FGD4: variants seen among roughly 807,000 people sequenced by gnomAD.
The protein encoded by FGD4 is FYVE, RhoGEF and PH domain-containing protein 4.
FGD4 carries 42 observed loss-of-function variants against 102.0 expected under a neutral mutation model. That is an observed-to-expected ratio of 0.41 (90% confidence interval 0.32 to 0.53). The LOEUF (loss-of-function observed/expected upper bound fraction) is 0.53, where lower values mean the gene tolerates loss of function less well. FGD4 is among the 20% of genes least tolerant of loss of function. The probability of loss-of-function intolerance (pLI) is 0.21; values close to 1 mark genes in which losing one functional copy is unlikely to be tolerated. For synonymous variants in FGD4, 380 were observed against 375.7 expected, an observed-to-expected ratio of 1.01 and a Z score of -0.13; for missense variants, 902 against 1,078.2, an observed-to-expected ratio of 0.84 and a Z score of 2.29.
chr12:32,592,879 TTAAAG>T (rs1164335298), intron 4 of FGD4, among the ~76,000 whole-genome samples: 45 of 152,364 alleles, frequency 3.0e-4, no homozygotes, highest in Middle Eastern at 3.4e-3. Flanking sequence ...AATATATAAA[TTAAAG>T]TATGTAGTAG....
At chr12:32,534,297 T>G in intron 1 of FGD4, 3 of 1,327,986 alleles carry the variant, frequency 2.3e-6, no homozygotes, top group Non-Finnish European at 2.9e-6. Context: ...CCTTGGGCAG[T>G]AAGTTCGAAG....
intron 1 of FGD4, among the ~76,000 whole-genome samples, chr12:32,480,851 T>A (rs754268564): frequency 2.0e-5 from 3 of 150,616 alleles, no homozygotes; most frequent in Admixed American, 6.6e-5. Context: ...TTGCCCAGGC[T>A]GGAGTGTTGT....
At chr12:32,478,304 T>C (rs4630379) in intron 1 of FGD4, among the ~76,000 whole-genome samples, 146,136 of 152,262 alleles carry the variant, frequency 0.96, 70,463 homozygotes, top group East Asian at 1. Context: ...ACTCTGTTGC[T>C]CAGGCTGAAG....
chr12:32,465,558 C>T lies in FGD4; in HGVS notation c.166+65599C>T, dbSNP rs1418379439. Among the ~76,000 whole-genome samples the T allele has an allele frequency of 2.0e-5, 3 of 152,158 alleles. 1 individual carries two copies. In the South Asian group the frequency reaches 6.2e-4, roughly 32 times the overall value. ...TGGCGCACACCTGTAGTCCCAGCTA[C>T]TCGGGAGGCTGAGGCAGGAGAATCG... On this transcript the variant is annotated intron_variant, in intron 1 of 16. Transcript: ENST00000534526.
rs78651166 is a variant in FGD4 at position 32,540,910 on chromosome 12, A to G, written c.167-23227A>G. On this transcript the variant is annotated intron_variant, in intron 1 of 16. Transcript: ENST00000534526. ...AGAGGTTTTGAGGTTCCCCCTCCCC[A>G]TCGAGCCTTGCAGTTCCATTAAAGG... Among the ~76,000 whole-genome samples the G allele has an allele frequency of 3.2e-4, 48 of 152,314 alleles. No individual in the cohort carries two copies. The East Asian group carries it at 9.1e-3, about 29-fold the overall frequency.
intron 1 of FGD4, among the ~76,000 whole-genome samples, chr12:32,512,910 C>T (rs1485122734): frequency 2.0e-5 from 3 of 152,126 alleles, no homozygotes; most frequent in African/African-American, 7.2e-5. Flanking sequence ...CATAAAATTT[C>T]TAGTGGAGAA....
At chr12:32,547,554 G>A (rs1943324018) in intron 1 of FGD4, among the ~76,000 whole-genome samples, 1 of 152,226 alleles carries the variant, frequency 6.6e-6, no homozygotes, top group African/African-American at 2.4e-5. Flanking sequence ...TGGAGTAAAT[G>A]AAATAATGCA....
intron 1 of FGD4, among the ~76,000 whole-genome samples, chr12:32,505,051 TGTG>T (rs2136639883): frequency 6.6e-6 from 1 of 152,320 alleles, no homozygotes; most frequent in East Asian, 1.9e-4. Context: ...TTTTGGCCAT[TGTG>T]GTCCATTTGG....
At chr12:32,427,609 C>T (rs1941890387) in intron 1 of FGD4, among the ~76,000 whole-genome samples, 1 of 152,012 alleles carries the variant, frequency 6.6e-6, no homozygotes, top group Non-Finnish European at 1.5e-5. Flanking sequence ...AGTTCAAGTC[C>T]TGAATATCCT....
Position 32,546,798 on chromosome 12 carries a change from C to T in FGD4, c.167-17339C>T, listed in dbSNP as rs1003306222. Among the ~76,000 whole-genome samples, 4 of 151,982 alleles carry T rather than the reference C, an allele frequency of 2.6e-5. No individual in the cohort carries two copies. The East Asian group carries it at 5.8e-4, about 22-fold the overall frequency. On this transcript the variant is annotated intron_variant, in intron 1 of 16. Transcript: ENST00000534526. Reference sequence around the variant, plus strand: ...GCAAATGTAGGTCAGAAATGGGGAGCAGAACAAGAGGAAAAGAAGAAGGTC... The same window carrying T: ...GCAAATGTAGGTCAGAAATGGGGAGTAGAACAAGAGGAAAAGAAGAAGGTC...
chr12:32,525,648 C>T lies in FGD4; in HGVS notation c.167-38489C>T, dbSNP rs140905371. ...GGCTGGCCAAGGCCGGAGCCCACTC[C>T]CTCAGCTTGCAGGGAGGTGTGGAGG... On this transcript the variant is annotated intron_variant, in intron 1 of 16. Coordinates refer to ENST00000534526, the MANE Select transcript of FGD4 (RefSeq NM_001370298.3). Among the ~76,000 whole-genome samples the T allele has an allele frequency of 1.0e-3, 158 of 152,370 alleles. 2 individuals carry two copies. The East Asian group carries it at 0.02, about 20-fold the overall frequency.
intron 8 of FGD4, among the ~76,000 whole-genome samples, chr12:32,610,301 G>A (rs1949060099): frequency 6.6e-6 from 1 of 152,170 alleles, no homozygotes; most frequent in Non-Finnish European, 1.5e-5. Flanking sequence ...TTGTAATAAA[G>A]TACCTGGTAT....
At chr12:32,583,560 A>T (rs542402999) in intron 4 of FGD4, among the ~76,000 whole-genome samples, 17 of 152,324 alleles carry the variant, frequency 1.1e-4, no homozygotes, top group Middle Eastern at 6.8e-3. Flanking sequence ...GCCATGGGTA[A>T]TAAGCTGGTG....
intron 1 of FGD4, among the ~76,000 whole-genome samples, chr12:32,558,433 A>G (rs1024343630): frequency 6.6e-6 from 1 of 152,224 alleles, no homozygotes; most frequent in Non-Finnish European, 1.5e-5. Context: ...ATGAGACAGT[A>G]TAAGCAAGAC....
intron 1 of FGD4, among the ~76,000 whole-genome samples, chr12:32,497,930 T>C (rs1338740360): frequency 6.6e-6 from 1 of 152,202 alleles, no homozygotes; most frequent in East Asian, 1.9e-4. Context: ...CTCGACTCAG[T>C]GAGACTCTCC....
At chr12:32,528,412 G>A (rs749839706) in intron 1 of FGD4, among the ~76,000 whole-genome samples, 4 of 151,320 alleles carry the variant, frequency 2.6e-5, no homozygotes, top group Non-Finnish European at 4.4e-5. Context: ...TTTTTGAGAC[G>A]GAGCCTCGCT....
intron 1 of FGD4, among the ~76,000 whole-genome samples, chr12:32,521,171 G>A (rs955113157): frequency 6.6e-6 from 1 of 151,852 alleles, no homozygotes; most frequent in Admixed American, 6.6e-5. Context: ...GGTGGATCAC[G>A]AGGTCAGGAG....
chr12:32,458,795 T>C (rs2136489963), intron 1 of FGD4, among the ~76,000 whole-genome samples: 1 of 152,338 alleles, frequency 6.6e-6, no homozygotes, highest in Non-Finnish European at 1.5e-5. Flanking sequence ...GTTCTAGATT[T>C]AACAGCAATA....
chr12:32,488,720 C>G (rs1263696662), intron 1 of FGD4, among the ~76,000 whole-genome samples: 4 of 150,912 alleles, frequency 2.7e-5, no homozygotes, highest in African/African-American at 9.7e-5. Flanking sequence ...GTGGGCGGAT[C>G]ATGAGGTCAG....
Sources: allele counts gnomAD v4.1 joint callset (sites outside exome capture counted in the v4.1 genomes callset), GRCh38; gene constraint gnomAD v4.1.1; transcripts MANE v1.5; gene names NCBI Gene and HGNC (gene_info 2026-07-23, HGNC 2026-07-21).